The following DNAAF9 variants were observed in gnomAD, a reference collection of about 807,000 sequenced individuals.
The protein encoded by DNAAF9 is shulin.
Under a neutral mutation model 167.0 loss-of-function variants are expected in DNAAF9, and 90 were observed. The ratio of observed to expected loss-of-function variants is 0.54; its 90% CI spans 0.45 to 0.64. DNAAF9 has a LOEUF of 0.64. Ranked by LOEUF, DNAAF9 falls within the 30% of genes least tolerant of loss-of-function variation. The pLI is 0.00. For missense variants in DNAAF9, 1,315 were observed against 1,442.2 expected (o/e 0.91, Z 1.43); for synonymous variants, 491 against 508.8 (o/e 0.96, Z 0.47).
At position 3,405,944 on chromosome 20, in the gene DNAAF9, A is replaced by C. The variant is rs1289190556; in HGVS notation, c.83+1531T>G. 3.9e-5 allele frequency among the ~76,000 whole-genome samples: 6 copies of C among 152,252 alleles called. No individual in the cohort carries two copies. The East Asian group carries it at 5.8e-4, about 15-fold the overall frequency. ...CAGTGAAACTGGCAGAAATGTTGCA[A>C]AGGATTGGAGATGCGTTACTATAAG... On this transcript the variant is annotated intron_variant, in intron 1 of 36. Coordinates refer to ENST00000252032, the MANE Select transcript of DNAAF9 (RefSeq NM_001009984.3).
intron 20 of DNAAF9, among the ~76,000 whole-genome samples, chr20:3,305,289 A>C: frequency 1.3e-5 from 2 of 152,224 alleles, no homozygotes; most frequent in Non-Finnish European, 2.9e-5. Context: ...CTTTGGAGAC[A>C]CAAAAGCAGC....
At chr20:3,369,163 G>A (rs1371072661) in intron 6 of DNAAF9, among the ~76,000 whole-genome samples, 1 of 150,882 alleles carries the variant, frequency 6.6e-6, no homozygotes, top group African/African-American at 2.4e-5. Flanking sequence ...TTTATCCTTA[G>A]TGTCTGAAAT....
chr20:3,407,148 G>A (rs2084070996), intron 1 of DNAAF9, among the ~76,000 whole-genome samples: 3 of 152,134 alleles, frequency 2.0e-5, no homozygotes, highest in Admixed American at 2.0e-4. Flanking sequence ...CTTCCTGGGA[G>A]AAACGTTCTA....
intron 1 of DNAAF9, among the ~76,000 whole-genome samples, chr20:3,397,471 A>T (rs2083926012): frequency 6.6e-6 from 1 of 152,070 alleles, no homozygotes; most frequent in Non-Finnish European, 1.5e-5. Flanking sequence ...CGCACCTGCC[A>T]CTAAGCCCAG....
chr20:3,355,268 CTTT>C (rs757538617), intron 7 of DNAAF9, among the ~76,000 whole-genome samples: 19 of 152,092 alleles, frequency 1.2e-4, no homozygotes, highest in Non-Finnish European at 1.9e-4. Flanking sequence ...TTACATTCTT[CTTT>C]AATTATAAAT....
chr20:3,338,755 C>T (rs1160735204), intron 10 of DNAAF9, among the ~76,000 whole-genome samples: 5 of 150,752 alleles, frequency 3.3e-5, no homozygotes, highest in Non-Finnish European at 7.4e-5. Flanking sequence ...TGGGTTCAAG[C>T]GATTCTCCCA....
chr20:3,320,122 G>T (rs186613318), intron 16 of DNAAF9, among the ~76,000 whole-genome samples: 1 of 152,210 alleles, frequency 6.6e-6, no homozygotes, highest in East Asian at 1.9e-4. Context: ...CATGTGGCAC[G>T]GGGAAAGAAA....
At chr20:3,287,601 C>T (rs769765330) in intron 27 of DNAAF9, 31 bp downstream of exon 27, 10 of 1,609,198 alleles carry the variant, frequency 6.2e-6, no homozygotes, top group African/African-American at 2.7e-5. Flanking sequence ...CACCCTGATT[C>T]GACTGTTTCC....
Position 3,304,479 on chromosome 20 carries a change from A to T in DNAAF9, c.1743T>A (p.Ile581=), listed in dbSNP as rs2254916. The stretch of plus-strand genomic sequence containing the variant: ...AAATGGAATTCATGTGATCCTTGGA[A>T]ATGATGATACTTCTATGACGACAGT... ...FSHCRHRSII[I]SKDHMNSISF... Residue 581 remains isoleucine, a synonymous_variant, in exon 21 of 37, where the codon ATT becomes ATA. Coordinates refer to ENST00000252032, the MANE Select transcript of DNAAF9 (RefSeq NM_001009984.3). 390,792 of 1,504,116 alleles carry T rather than the reference A, an allele frequency of 0.26. 53,293 individuals are homozygous for T. The highest frequency in any genetic ancestry group is 0.35 in the East Asian group (15,682 of 44,208). 93.2% of individuals were successfully genotyped at this position (1,504,116 alleles called of 1,614,324 possible). A position where few individuals can be genotyped will look rare whatever the true frequency, so the allele number is the denominator to read the frequency against.
At chr20:3,375,217 C>A in intron 4 of DNAAF9, 91 bp from the exon 5 acceptor site, 1 of 839,002 alleles carries the variant, frequency 1.2e-6, no homozygotes, top group South Asian at 1.5e-5. Flanking sequence ...CAGAGTTGTC[C>A]CAAATGACAT....
chr20:3,335,238 A>G (rs2069915255), intron 10 of DNAAF9, among the ~76,000 whole-genome samples: 2 of 152,110 alleles, frequency 1.3e-5, no homozygotes, highest in Admixed American at 6.6e-5. Flanking sequence ...CTCTCTGTTT[A>G]GACCAAATTT....
chr20:3,314,267 T>C (rs2069463734), intron 20 of DNAAF9, among the ~76,000 whole-genome samples: 1 of 152,048 alleles, frequency 6.6e-6, no homozygotes, highest in Non-Finnish European at 1.5e-5. Context: ...GATGAGACCC[T>C]TGGGAGGAGG....
intron 23 of DNAAF9, 121 bp downstream of exon 23, chr20:3,296,740 T>C: frequency 1.5e-6 from 1 of 683,942 alleles, no homozygotes; most frequent in Non-Finnish European, 2.6e-6. Context: ...AGCATTGAAA[T>C]GTCTGTGTTG....
intron 34 of DNAAF9, 58 bp from the exon 35 acceptor site, chr20:3,255,342 A>C: frequency 9.2e-7 from 1 of 1,084,348 alleles, no homozygotes; most frequent in Non-Finnish European, 1.4e-6. Context: ...GTGCATGGGC[A>C]GGGGAGGGCT....
chr20:3,279,198 G>A lies in DNAAF9; in HGVS notation c.2613-249C>T, dbSNP rs377513780. On this transcript the variant is annotated intron_variant, in intron 28 of 36. Transcript: ENST00000252032. Reference sequence around the variant, plus strand: ...GTGGAATGCTGAAGGAGGGATACTGGGGACAGGACCAGCTCTTTGGTCTAT... The same window carrying A: ...GTGGAATGCTGAAGGAGGGATACTGAGGACAGGACCAGCTCTTTGGTCTAT... Among the ~76,000 whole-genome samples, 11 of 152,260 alleles carry A rather than the reference G, an allele frequency of 7.2e-5. No individual in the cohort carries two copies. The Middle Eastern group carries it at 0.01, about 141-fold the overall frequency.
intron 12 of DNAAF9, among the ~76,000 whole-genome samples, chr20:3,329,972 A>G (rs1267037916): frequency 2.0e-5 from 3 of 152,238 alleles, no homozygotes; most frequent in Non-Finnish European, 4.4e-5. Flanking sequence ...ATCCAGAGAA[A>G]GACACTCTTC....
At chr20:3,353,913 T>C (rs1227356356) in intron 7 of DNAAF9, among the ~76,000 whole-genome samples, 1 of 152,158 alleles carries the variant, frequency 6.6e-6, no homozygotes, top group Non-Finnish European at 1.5e-5. Flanking sequence ...GATATGTCAG[T>C]ACTAATTATA....
intron 30 of DNAAF9, among the ~76,000 whole-genome samples, chr20:3,268,896 A>ATTTTT (rs1649924645): frequency 1.5e-4 from 12 of 80,830 alleles, no homozygotes; most frequent in Admixed American, 2.8e-4. Context: ...TCTCTATGTT[A>ATTTTT]CTTTTTTTTT....
chr20:3,280,388 C>A (rs2068745240), intron 28 of DNAAF9, among the ~76,000 whole-genome samples: 2 of 151,850 alleles, frequency 1.3e-5, no homozygotes. Context: ...CACAGAGAAA[C>A]CCCGTCTCTA....
Sources: allele counts gnomAD v4.1 joint callset (sites outside exome capture counted in the v4.1 genomes callset), GRCh38; gene constraint gnomAD v4.1.1; transcripts MANE v1.5; gene names NCBI Gene and HGNC (gene_info 2026-07-23, HGNC 2026-07-21).